Variants in SLC10A4 observed in about 807,000 individuals in gnomAD.
The protein encoded by SLC10A4 is putative sodium/bile acid cotransporter 4.
In SLC10A4, 17 loss-of-function variants were observed where a neutral mutation model predicts 22.5. The ratio of observed to expected loss-of-function variants is 0.76; its 90% CI spans 0.52 to 1.14. The LOEUF is 1.14. Among genes scored for constraint, SLC10A4 ranks in the 50% most tolerant of loss-of-function variants. SLC10A4 has a pLI of 0.00. For synonymous variants in SLC10A4, 257 were observed against 258.2 expected (o/e 1.00, Z 0.04); for missense variants, 548 against 584.0 (o/e 0.94, Z 0.64).
rs1412284278 is a variant in SLC10A4, at chr4:48,483,551, C to G, written c.-11C>G. ...CGGGAGGGGACCGGAATCCGCAGCT[C>G]CGGCCGCGCCATGGACGGCAACGAC... On this transcript the variant is annotated 5_prime_UTR_variant, in exon 1 of 3. Coordinates refer to ENST00000273861, the MANE Select transcript of SLC10A4 (RefSeq NM_152679.4). The surrounding 1 kb of genome is among the most constrained non-coding windows in gnomAD (Gnocchi z 5.4). 2 of 1,493,632 alleles carry G rather than the reference C, an allele frequency of 1.3e-6. No homozygotes were observed. The highest frequency in any genetic ancestry group is 1.8e-6 in the Non-Finnish European group (2 of 1,126,210). The allele number at this position is 1,493,632 out of a possible 1,614,324, so 92.5% of individuals were successfully genotyped here.
intron 2 of SLC10A4, among the ~76,000 whole-genome samples, chr4:48,485,924 T>C (rs1718274845): frequency 1.3e-5 from 2 of 152,184 alleles, no homozygotes; most frequent in Admixed American, 1.3e-4. Context: ...ATTCTAGTAG[T>C]TGACTGGAGG....
rs1718324718 is a variant in SLC10A4 at position 48,488,477 on chromosome 4, CG to C, written c.854del (p.Gly285AlafsTer4). The C allele has an allele frequency of 6.2e-7, 1 of 1,613,054 alleles. No individual in the cohort carries two copies. Among genetic ancestry groups the C allele is most frequent in the Non-Finnish European group, 8.5e-7 (1 of 1,179,616 alleles). On this transcript the variant is annotated frameshift_variant, in exon 3 of 3. Transcript: ENST00000273861. LOFTEE classifies it high-confidence loss of function. The stretch of plus-strand genomic sequence containing the variant: ...CTCTGGTGGTCCTTTTCATAATGAC[CG>C]GCACTATGTTAGGACCTGAACTGCT... ...VTLVVLFIMT[G>X]TMLGPELLAS...
Position 48,483,505 on chromosome 4 carries a change from G to C in SLC10A4, c.-57G>C. 1 of 1,394,248 alleles carries C rather than the reference G, an allele frequency of 7.2e-7. No homozygotes were observed. The highest frequency in any genetic ancestry group is 9.5e-7 in the Non-Finnish European group (1 of 1,057,844). The allele number at this position is 1,394,248 out of a possible 1,614,324, so 86.4% of individuals were successfully genotyped here. On this transcript the variant is annotated 5_prime_UTR_variant, in exon 1 of 3. Transcript: ENST00000273861. The surrounding 1 kb of genome is among the most constrained non-coding windows in gnomAD (Gnocchi z 5.4). ...GACGGGCGGCGACTGCGGCGACCGC[G>C]GGACGGCGAGAGGCACGCGGCGGGA...
chr4:48,484,453 G>A (rs1425058139), intron 1 of SLC10A4, among the ~76,000 whole-genome samples: 2 of 152,214 alleles, frequency 1.3e-5, no homozygotes, highest in African/African-American at 4.8e-5. Flanking sequence ...GGCAGCGCAG[G>A]TCGTTGTCCA....
intron 2 of SLC10A4, among the ~76,000 whole-genome samples, chr4:48,485,546 T>C (rs1271504973): frequency 1.3e-5 from 2 of 152,226 alleles, no homozygotes; most frequent in African/African-American, 4.8e-5. Flanking sequence ...ATGGCTATCT[T>C]TTCAAAAATG....
In SLC10A4 at chr4:48,483,744, C is replaced by A; in HGVS notation, c.183C>A (p.Gly61=). 22 of 1,464,050 alleles carry A rather than the reference C, an allele frequency of 1.5e-5. No individual in the cohort carries two copies. Among genetic ancestry groups the A allele is most frequent in the Non-Finnish European group, 2.0e-5 (22 of 1,112,668 alleles). The allele number at this position is 1,464,050 out of a possible 1,614,324, so 90.7% of individuals were successfully genotyped here. ...GPGPSFGFSP[G]PTPTPEPTTS... Reference sequence around the variant, plus strand: ...GTCCGAGCTTCGGCTTCAGCCCCGGCCCCACTCCGACCCCGGAGCCCACGA... The same window carrying A: ...GTCCGAGCTTCGGCTTCAGCCCCGGACCCACTCCGACCCCGGAGCCCACGA... The change falls in exon 1 of 3, where the codon GGC becomes GGA. Residue 61 remains glycine, a synonymous_variant. Coordinates refer to ENST00000273861, the MANE Select transcript of SLC10A4 (RefSeq NM_152679.4). The surrounding 1 kb of genome is among the most constrained non-coding windows in gnomAD (Gnocchi z 5.4).
At position 48,483,976 on chromosome 4, in the gene SLC10A4, G is replaced by C; in HGVS notation, c.415G>C (p.Ala139Pro). 1 of 1,556,432 alleles carries C rather than the reference G, an allele frequency of 6.4e-7. No homozygotes were observed. The highest frequency in any genetic ancestry group is 8.7e-7 in the Non-Finnish European group (1 of 1,153,202). The change falls in exon 1 of 3, where the codon GCG becomes CCG. Residue 139 changes from alanine (A) to proline (P), a missense_variant. This residue lies in a region of SLC10A4 where 314 missense variants were observed against 353.2 expected (regional missense o/e 0.89). Transcript: ENST00000273861. The surrounding 1 kb of genome is among the most constrained non-coding windows in gnomAD (Gnocchi z 5.4). The part of the protein sequence containing the change: ...FGAHVRRPVG[A>P]LLAALCQFGL... ...GGCGCACGTCCGTCGGCCCGTGGGC[G>C]CGCTGCTGGCAGCGCTCTGCCAGTT...
intron 1 of SLC10A4, 111 bp from the exon 2 acceptor site, chr4:48,484,821 C>G: frequency 1.0e-6 from 1 of 1,003,510 alleles, no homozygotes; most frequent in Non-Finnish European, 1.5e-6. Flanking sequence ...AGACTTCAAC[C>G]CCGGGACTTG....
At position 48,489,446 on chromosome 4, in the gene SLC10A4, C is replaced by A. The variant is rs1718348381; in HGVS notation, c.*507C>A. On this transcript the variant is annotated 3_prime_UTR_variant, in exon 3 of 3. Coordinates refer to ENST00000273861, the MANE Select transcript of SLC10A4 (RefSeq NM_152679.4). ...AATATAGTATTTGTCAAACCAGTAT[C>A]AGAGAAAAGTTACATTAATGTATTT... Among the ~76,000 whole-genome samples the A allele has an allele frequency of 6.6e-6, 1 of 152,182 alleles. No homozygotes were observed. The highest frequency in any genetic ancestry group is 2.4e-5 in the African/African-American group (1 of 41,428).
intron 2 of SLC10A4, among the ~76,000 whole-genome samples, chr4:48,487,570 G>T (rs1718302369): frequency 6.6e-6 from 1 of 152,092 alleles, no homozygotes; most frequent in African/African-American, 2.4e-5. Flanking sequence ...TGGGGTATTA[G>T]GTTCAGTTCT....
chr4:48,484,976 T>C lies in SLC10A4; in HGVS notation c.635T>C (p.Met212Thr), dbSNP rs1427915080. 1 of 1,614,064 alleles carries C rather than the reference T, an allele frequency of 6.2e-7. No homozygotes were observed. The highest frequency in any genetic ancestry group is 2.2e-5 in the East Asian group (1 of 44,898). Reference protein sequence around the residue: ...ISSTLLALVLMPLCLWIYSWA... With the variant: ...ISSTLLALVLTPLCLWIYSWA... ...TCCACGCTTCTGGCCCTCGTCTTGA[T>C]GCCCCTGTGCCTGTGGATCTACAGC... The change falls in exon 2 of 3, where the codon ATG becomes ACG. Residue 212 changes from methionine (M) to threonine (T), a missense_variant. Physicochemically the swap from Met to Thr is moderately conservative, Grantham distance 81. Around this residue, in one of 3 missense-constraint regions of SLC10A4, gnomAD observed 314 missense variants for 353.2 expected, o/e 0.89. Coordinates refer to ENST00000273861, the MANE Select transcript of SLC10A4 (RefSeq NM_152679.4).
In SLC10A4 at chr4:48,485,113, T is replaced by A; in HGVS notation, c.772T>A (p.Tyr258Asn). The change falls in exon 2 of 3, where the codon TAC (tyrosine) becomes AAC (asparagine). Residue 258 changes from tyrosine to asparagine, a missense_variant. Tyr to Asn is a moderately radical substitution (Grantham distance 143). Transcript: ENST00000273861. ...GTTGGGCGTCTTCATTCGCTACAAA[T>A]ACAGCCGGGTGGCTGACTACATTGT... ...IGLGVFIRYK[Y>N]SRVADYIVKV... The A allele has an allele frequency of 1.2e-6, 2 of 1,614,106 alleles. No individual in the cohort carries two copies. Among genetic ancestry groups the A allele is most frequent in the Non-Finnish European group, 1.7e-6 (2 of 1,180,024 alleles).
Position 48,484,102 on chromosome 4 carries a change from A to T in SLC10A4, c.541A>T (p.Asn181Tyr). Residue 181 changes from asparagine to tyrosine, a missense_variant, in exon 1 of 3, where the codon AAT (asparagine) becomes TAT (tyrosine). Around this residue, in one of 3 missense-constraint regions of SLC10A4, gnomAD observed 314 missense variants for 353.2 expected, o/e 0.89. Transcript: ENST00000273861. ...CCTGTGTGGCTGCTGTCCCGGCGGCAATCTCTCCAATCTTATGTCCCTGCT... is the reference window on the plus strand; with the variant it reads ...CCTGTGTGGCTGCTGTCCCGGCGGCTATCTCTCCAATCTTATGTCCCTGCT... ...VLLCGCCPGG[N>Y]LSNLMSLLVD... 1 of 1,600,990 alleles carries T rather than the reference A, an allele frequency of 6.2e-7. No homozygotes were observed. The highest frequency in any genetic ancestry group is 8.5e-7 in the Non-Finnish European group (1 of 1,174,082).
intron 2 of SLC10A4, among the ~76,000 whole-genome samples, chr4:48,486,377 GTTAATC>G (rs1032992534): frequency 4.3e-4 from 66 of 151,840 alleles, no homozygotes; most frequent in African/African-American, 1.4e-3. Flanking sequence ...TTAAGAACTT[GTTAATC>G]TTAATCATTA....
Position 48,488,812 on chromosome 4 carries a change from TAGATGA to T in SLC10A4, c.1198_1203del (p.Glu400_Asp401del), listed in dbSNP as rs552176175. 465 of 1,614,042 alleles carry T rather than the reference TAGATGA, an allele frequency of 2.9e-4. No individual in the cohort carries two copies. The highest frequency in any genetic ancestry group is 6.0e-4 in the Admixed American group (36 of 60,024). The stretch of plus-strand genomic sequence containing the variant: ...GAAATGTTGCACAAGCGAGATCCTC[TAGATGA>T]AGATGAAGATACAGATATTTCTTAT... On this transcript the variant is annotated inframe_deletion, in exon 3 of 3. Transcript: ENST00000273861.
intron 2 of SLC10A4, among the ~76,000 whole-genome samples, chr4:48,487,788 C>CTTTTTTTTTTTT (rs35831946): frequency 7.5e-5 from 3 of 39,800 alleles, no homozygotes; most frequent in African/African-American, 2.7e-4. Context: ...TTTTGAAGAG[C>CTTTTTTTTTTTT]TTTTTTTTTT....
In SLC10A4 at chr4:48,483,636, C is replaced by T. The variant is rs1718219927; in HGVS notation, c.75C>T (p.Ala25=). The change falls in exon 1 of 3, where the codon GCC becomes GCT. Residue 25 remains alanine, a synonymous_variant. Transcript: ENST00000273861. The surrounding 1 kb of genome is among the most constrained non-coding windows in gnomAD (Gnocchi z 5.4). The stretch of plus-strand genomic sequence containing the variant: ...ACAACTACACCCTGGCGCCCAATGC[C>T]AGCAGCCTGGGCCCCGGCACGGACC... ...LRDNYTLAPN[A]SSLGPGTDLA... 6.7e-7 allele frequency: 1 copy of T among 1,492,806 alleles called. No homozygotes were observed. The highest frequency in any genetic ancestry group is 8.9e-7 in the Non-Finnish European group (1 of 1,125,564). 92.5% of individuals were successfully genotyped at this position (1,492,806 alleles called of 1,614,324 possible). A position where few individuals can be genotyped will look rare whatever the true frequency, so the allele number is the denominator to read the frequency against.
Position 48,489,503 on chromosome 4 carries a change from A to G in SLC10A4, c.*564A>G, listed in dbSNP as rs550425364. On this transcript the variant is annotated 3_prime_UTR_variant, in exon 3 of 3. Coordinates refer to ENST00000273861, the MANE Select transcript of SLC10A4 (RefSeq NM_152679.4). ...TTGATCTGGTATCTACTTATTAATG[A>G]ATAATCAACATTTTTCTAGTGGACA... Among the ~76,000 whole-genome samples, 2 of 152,356 alleles carry G rather than the reference A, an allele frequency of 1.3e-5. No homozygotes were observed. Among genetic ancestry groups the G allele is most frequent in the South Asian group, 4.1e-4 (2 of 4,830 alleles).
Position 48,488,610 on chromosome 4 carries a change from A to C in SLC10A4, c.985A>C (p.Lys329Gln). 1 of 1,614,094 alleles carries C rather than the reference A, an allele frequency of 6.2e-7. No individual in the cohort carries two copies. The highest frequency in any genetic ancestry group is 1.3e-5 in the African/African-American group (1 of 75,012). The change falls in exon 3 of 3, where the codon AAG becomes CAG. Residue 329 changes from lysine to glutamine, a missense_variant. Lys to Gln is a moderately conservative substitution (Grantham distance 53). Transcript: ENST00000273861. ...ATLFHLPPNC[K>Q]RTVCLETGSQ... is the part of the protein sequence containing the mutation. ...TCTCTTCCATCTTCCACCCAACTGC[A>C]AGAGGACTGTATGTCTGGAAACAGG...
Sources: gnomAD v4.1 joint callset for allele counts (sites outside exome capture counted in the v4.1 genomes callset) on GRCh38, gnomAD v4.1.1 for gene constraint, gnomAD v4.1.1 regional missense constraint, Gnocchi (gnomAD v3.1) non-coding constraint, MANE v1.5 for transcripts, NCBI Gene and HGNC (gene_info 2026-07-23, HGNC 2026-07-21) for gene names.